The following SLC7A6 variants were observed in gnomAD, a reference collection of about 807,000 sequenced individuals.
The protein encoded by SLC7A6 is solute carrier family 7 member 6.
SLC7A6 carries 29 observed loss-of-function variants against 46.6 expected under a neutral mutation model. The observed-to-expected ratio is 0.62, with a 90% CI of 0.46 to 0.85. The LOEUF (loss-of-function observed/expected upper bound fraction) is 0.85. Ranked by LOEUF, SLC7A6 falls within the 40% of genes least tolerant of loss-of-function variation. The pLI, the probability that SLC7A6 is intolerant of heterozygous loss-of-function variation, is 0.00. For missense variants in SLC7A6, 527 were observed against 647.6 expected (o/e 0.81, Z 2.02); for synonymous variants, 276 against 257.3 (o/e 1.07, Z -0.70).
At chr16:68,276,110 G>C (rs2042708782) in intron 3 of SLC7A6, among the ~76,000 whole-genome samples, 1 of 152,206 alleles carries the variant, frequency 6.6e-6, no homozygotes, top group Non-Finnish European at 1.5e-5. Flanking sequence ...GGCTTGCTCT[G>C]AGCAGCAGGT....
At chr16:68,293,744 G>GT (rs1395914186) in intron 7 of SLC7A6, among the ~76,000 whole-genome samples, 4 of 152,180 alleles carry the variant, frequency 2.6e-5, no homozygotes, top group African/African-American at 4.8e-5. Flanking sequence ...GCACATGCTC[G>GT]TTTTTTCCAC....
intron 4 of SLC7A6, 62 bp from the exon 5 acceptor site, chr16:68,290,334 C>G: frequency 1.3e-5 from 20 of 1,570,592 alleles, no homozygotes; most frequent in Non-Finnish European, 1.5e-5. Context: ...CCCATCTCCT[C>G]TTCCTTTCTC....
chr16:68,284,624 G>A (rs1596991194), intron 3 of SLC7A6: 1 of 984,770 alleles, frequency 1.0e-6, no homozygotes, highest in South Asian at 4.7e-5. Context: ...GAAGGAAGGA[G>A]AAGGATCAGA....
intron 2 of SLC7A6, among the ~76,000 whole-genome samples, chr16:68,267,913 A>G (rs1212441424): frequency 6.6e-6 from 1 of 152,178 alleles, no homozygotes; most frequent in Non-Finnish European, 1.5e-5. Flanking sequence ...AAGCCTCTAT[A>G]AAAACCCAAG....
chr16:68,291,432 T>A, intron 6 of SLC7A6, 100 bp downstream of exon 6: 2 of 1,580,512 alleles, frequency 1.3e-6, no homozygotes, highest in Non-Finnish European at 1.7e-6. Flanking sequence ...CTCTGCAGGA[T>A]GAGGTCATGA....
intron 2 of SLC7A6, among the ~76,000 whole-genome samples, chr16:68,269,753 C>CAA (rs11306082): frequency 1.9e-3 from 265 of 141,830 alleles, no homozygotes; most frequent in Middle Eastern, 0.011. Context: ...GACTCTGTCT[C>CAA]AAAAAAAAAA....
intron 3 of SLC7A6, 162 bp from the exon 4 acceptor site, chr16:68,287,584 G>A: frequency 6.7e-7 from 1 of 1,484,388 alleles, no homozygotes; most frequent in Non-Finnish European, 8.9e-7. Context: ...GCTGGGGCGG[G>A]TGCAGGGTGT....
Position 68,299,269 on chromosome 16 carries a change from T to G in SLC7A6, c.*1941T>G, listed in dbSNP as rs1029760595. On this transcript the variant is annotated 3_prime_UTR_variant, in exon 11 of 11. Transcript: ENST00000219343. Reference sequence around the variant, plus strand: ...AAAGATCCCTGACCCCAGCTTTAGCTTTCTCCACCAGATAACCAGCTAATC... The same window carrying G: ...AAAGATCCCTGACCCCAGCTTTAGCGTTCTCCACCAGATAACCAGCTAATC... 1 of 152,666 alleles carries G rather than the reference T, an allele frequency of 6.6e-6. No individual in the cohort carries two copies. The highest frequency in any genetic ancestry group is 2.4e-5 in the African/African-American group (1 of 41,460). The allele number at this position is 152,666 out of a possible 1,614,324, so 9.5% of individuals were successfully genotyped here.
Position 68,294,740 on chromosome 16 carries a change from C to G in SLC7A6, c.1058C>G (p.Pro353Arg). The change falls in exon 8 of 11, where the codon CCG (proline) becomes CGG (arginine). Residue 353 changes from proline (P) to arginine (R), a missense_variant. Physicochemically the swap from Pro to Arg is moderately radical, Grantham distance 103. Transcript: ENST00000219343. ...FFVGSREGHL[P>R]DLLSMIHIER... ...GTGGGCTCCCGGGAGGGCCACCTAC[C>G]GGACCTTCTGTCCATGATCCACATT... 1 of 1,613,946 alleles carries G rather than the reference C, an allele frequency of 6.2e-7. No individual in the cohort carries two copies. Among genetic ancestry groups the G allele is most frequent in the Non-Finnish European group, 8.5e-7 (1 of 1,179,864 alleles).
intron 3 of SLC7A6, among the ~76,000 whole-genome samples, chr16:68,277,939 A>ATTATTG (rs1459969298): frequency 1.4e-5 from 2 of 145,970 alleles, no homozygotes; most frequent in Non-Finnish European, 3.0e-5. Context: ...TATTATTATT[A>ATTATTG]TTATTATTTT....
At chr16:68,276,186 G>A (rs556874372) in intron 3 of SLC7A6, among the ~76,000 whole-genome samples, 1 of 152,314 alleles carries the variant, frequency 6.6e-6, no homozygotes, top group South Asian at 2.1e-4. Context: ...AACAAGCTCT[G>A]CCTGCGGCCA....
intron 3 of SLC7A6, among the ~76,000 whole-genome samples, chr16:68,282,929 T>A (rs1383367415): frequency 1.3e-5 from 2 of 152,136 alleles, no homozygotes; most frequent in African/African-American, 4.8e-5. Flanking sequence ...TTCTTCCACA[T>A]TTTTGTTGTT....
intron 3 of SLC7A6, among the ~76,000 whole-genome samples, chr16:68,279,424 T>C (rs1321238658): frequency 6.6e-6 from 1 of 152,212 alleles, no homozygotes; most frequent in Non-Finnish European, 1.5e-5. Context: ...CTCCAGGCAG[T>C]ATAGTATAGT....
chr16:68,291,171 G>C (rs367745799), intron 5 of SLC7A6, 38 bp from the exon 6 acceptor site: 11 of 1,613,890 alleles, frequency 6.8e-6, no homozygotes, highest in Non-Finnish European at 2.5e-6. Flanking sequence ...CCAAGGAGAG[G>C]TTGGTTCTAG....
At position 68,301,381 on chromosome 16, in the gene SLC7A6, C is replaced by T. The variant is rs758747640; in HGVS notation, c.*4053C>T. 1.2e-6 allele frequency: 2 copies of T among 1,614,160 alleles called. No individual in the cohort carries two copies. The highest frequency in any genetic ancestry group is 1.7e-6 in the Non-Finnish European group (2 of 1,180,006). ...TCTGCTGCTGCCTCTTTCCTCCTCA[C>T]TCAGGCTGTTGTAGTCAGCAGAGCC... is the stretch of plus-strand genomic sequence containing the variant. On this transcript the variant is annotated 3_prime_UTR_variant, in exon 11 of 11. Transcript: ENST00000219343.
At chr16:68,293,139 G>A (rs953861828) in intron 7 of SLC7A6, among the ~76,000 whole-genome samples, 2 of 152,214 alleles carry the variant, frequency 1.3e-5, no homozygotes, top group African/African-American at 2.4e-5. Context: ...GTGTCCAGCT[G>A]GGCGTGGGGC....
intron 2 of SLC7A6, among the ~76,000 whole-genome samples, chr16:68,268,138 TG>T (rs2042567029): frequency 6.6e-6 from 1 of 152,220 alleles, no homozygotes; most frequent in African/African-American, 2.4e-5. Flanking sequence ...GCAAATTAAT[TG>T]AACTGAAAGA....
At position 68,291,320 on chromosome 16, in the gene SLC7A6, T is replaced by TG; in HGVS notation, c.907dup (p.Ala303GlyfsTer8). On this transcript the variant is annotated frameshift_variant, in exon 6 of 11. Coordinates refer to ENST00000219343, the MANE Select transcript of SLC7A6 (RefSeq NM_003983.6). LOFTEE classifies it high-confidence loss of function. ...ACATTTCAGATGTCCTTAGCAGTGA[T>TG]GCTGTGGCTGTGGTGAGTCTCTTGG... The TG allele has an allele frequency of 6.2e-7, 1 of 1,614,164 alleles. No homozygotes were observed. The highest frequency in any genetic ancestry group is 8.5e-7 in the Non-Finnish European group (1 of 1,179,980).
chr16:68,291,861 T>G, intron 7 of SLC7A6, 200 bp downstream of exon 7: 1 of 564,272 alleles, frequency 1.8e-6, no homozygotes, highest in Non-Finnish European at 3.2e-6. Context: ...TGGTAGCTCA[T>G]GTTTCCATCT....
Sources: gnomAD v4.1 joint callset for allele counts (sites outside exome capture counted in the v4.1 genomes callset) on GRCh38, gnomAD v4.1.1 for gene constraint, MANE v1.5 for transcripts, NCBI Gene and HGNC (gene_info 2026-07-23, HGNC 2026-07-21) for gene names.